Variants in TRHDE observed in about 807,000 individuals in gnomAD.
The protein encoded by TRHDE is thyrotropin releasing hormone degrading enzyme.
In TRHDE, 72 loss-of-function variants were observed where a neutral mutation model predicts 125.7. That is an observed-to-expected ratio of 0.57 (90% CI 0.47 to 0.70). TRHDE has a LOEUF of 0.70. Ranked by LOEUF, TRHDE falls within the 30% of genes least tolerant of loss-of-function variation. The pLI is 0.00. For missense variants in TRHDE, 1,110 were observed against 1,327.1 expected (o/e 0.84, Z 2.54); for synonymous variants, 509 against 509.1 (o/e 1.00, Z 0.00).
chr12:72,200,074 A>AG (rs1267276290), intron 2 of TRHDE, among the ~76,000 whole-genome samples: 2 of 152,206 alleles, frequency 1.3e-5, no homozygotes, highest in Non-Finnish European at 2.9e-5. Flanking sequence ...CAGAGTTCTA[A>AG]GATATTCCTC....
At chr12:72,606,172 A>G (rs1417932233) in intron 12 of TRHDE, among the ~76,000 whole-genome samples, 4 of 152,188 alleles carry the variant, frequency 2.6e-5, no homozygotes, top group African/African-American at 9.6e-5. Context: ...GGGCACTTGT[A>G]TGTGGGATTC....
At chr12:72,344,387 T>A (rs1356008709) in intron 2 of TRHDE, among the ~76,000 whole-genome samples, 1 of 152,172 alleles carries the variant, frequency 6.6e-6, no homozygotes, top group Non-Finnish European at 1.5e-5. Context: ...TTTTAATTTT[T>A]ACAAAAAAGG....
chr12:72,508,880 G>GCAC (rs1471662472), intron 6 of TRHDE, among the ~76,000 whole-genome samples: 1 of 151,994 alleles, frequency 6.6e-6, no homozygotes, highest in Non-Finnish European at 1.5e-5. Flanking sequence ...AATGTGTGTA[G>GCAC]CACCTCCCCC....
At chr12:72,234,270 G>A (rs941479122) in intron 2 of TRHDE, among the ~76,000 whole-genome samples, 2 of 152,036 alleles carry the variant, frequency 1.3e-5, no homozygotes, top group African/African-American at 2.4e-5. Context: ...CTTCCCAGCA[G>A]CCTCGTGTTA....
intron 2 of TRHDE, among the ~76,000 whole-genome samples, chr12:72,266,975 A>G (rs1879083476): frequency 6.6e-6 from 1 of 152,240 alleles, no homozygotes; most frequent in East Asian, 1.9e-4. Context: ...AAGCCCTTGA[A>G]GAATCTTAGC....
chr12:72,380,893 C>T (rs1012270246), intron 3 of TRHDE, among the ~76,000 whole-genome samples: 1 of 149,034 alleles, frequency 6.7e-6, no homozygotes, highest in African/African-American at 2.5e-5. Flanking sequence ...TTTCTTCCTT[C>T]CTTCCTTCCT....
chr12:72,458,590 A>T (rs891197343), intron 3 of TRHDE, among the ~76,000 whole-genome samples: 2 of 152,128 alleles, frequency 1.3e-5, no homozygotes, highest in Non-Finnish European at 2.9e-5. Flanking sequence ...CCAATGCATC[A>T]GACTTCTACA....
At chr12:72,126,857 A>C (rs1438486601) in intron 2 of TRHDE, among the ~76,000 whole-genome samples, 1 of 152,196 alleles carries the variant, frequency 6.6e-6, no homozygotes, top group Non-Finnish European at 1.5e-5. Context: ...GTGGGGCCTA[A>C]TTAAACTAAA....
chr12:72,348,179 A>G (rs928415260), intron 2 of TRHDE, among the ~76,000 whole-genome samples: 1 of 152,062 alleles, frequency 6.6e-6, no homozygotes, highest in African/African-American at 2.4e-5. Flanking sequence ...GCTACTTAAC[A>G]TATGCATTAC....
chr12:72,650,369 G>C (rs924983618), intron 15 of TRHDE, among the ~76,000 whole-genome samples: 5 of 152,080 alleles, frequency 3.3e-5, no homozygotes, highest in South Asian at 4.1e-4. Context: ...CAGGGGCTGG[G>C]TACTTTTTAC....
In TRHDE at chr12:72,511,888, T is replaced by A. The variant is rs187030182; in HGVS notation, c.1722+12253T>A. ...AAAGTCTGTATTTAATAAAAATAGG[T>A]AGCAGGTTATTGAATAGAGTAAGGA... is the stretch of plus-strand genomic sequence containing the variant. On this transcript the variant is annotated intron_variant, in intron 6 of 18. Coordinates refer to ENST00000261180, the MANE Select transcript of TRHDE (RefSeq NM_013381.3). Among the ~76,000 whole-genome samples, 11 of 152,258 alleles carry A rather than the reference T, an allele frequency of 7.2e-5. No homozygotes were observed. The East Asian group carries it at 1.9e-3, about 27-fold the overall frequency.
chr12:72,399,910 A>G (rs1256159107), intron 3 of TRHDE, among the ~76,000 whole-genome samples: 1 of 152,192 alleles, frequency 6.6e-6, no homozygotes, highest in Non-Finnish European at 1.5e-5. Context: ...ATGTAGATGA[A>G]TAAGCTATCA....
intron 2 of TRHDE, among the ~76,000 whole-genome samples, chr12:72,127,714 G>A (rs1007638938): frequency 2.0e-5 from 3 of 152,056 alleles, no homozygotes; most frequent in African/African-American, 7.2e-5. Flanking sequence ...AAAACCATTA[G>A]GTACTATGCT....
intron 6 of TRHDE, among the ~76,000 whole-genome samples, chr12:72,537,810 G>A (rs1013694036): frequency 1.3e-5 from 2 of 152,036 alleles, no homozygotes; most frequent in African/African-American, 4.8e-5. Context: ...GCCAGGAACA[G>A]TTTTTGGCAA....
At chr12:72,145,021 A>G (rs1876197722) in intron 2 of TRHDE, among the ~76,000 whole-genome samples, 1 of 152,122 alleles carries the variant, frequency 6.6e-6, no homozygotes, top group Non-Finnish European at 1.5e-5. Context: ...TACAACACAG[A>G]TTAGGGGATG....
At chr12:72,404,908 AC>A (rs1449444576) in intron 3 of TRHDE, among the ~76,000 whole-genome samples, 1 of 152,222 alleles carries the variant, frequency 6.6e-6, no homozygotes, top group Non-Finnish European at 1.5e-5. Flanking sequence ...GGATAATAAT[AC>A]TATCTGCATG....
At chr12:72,265,236 A>G (rs1879039251) in intron 2 of TRHDE, among the ~76,000 whole-genome samples, 2 of 152,002 alleles carry the variant, frequency 1.3e-5, no homozygotes, top group South Asian at 4.1e-4. Context: ...ATGATCAAGA[A>G]AAAGCCATTT....
At chr12:72,465,703 C>T (rs536821368) in intron 3 of TRHDE, among the ~76,000 whole-genome samples, 14 of 151,886 alleles carry the variant, frequency 9.2e-5, no homozygotes, top group African/African-American at 3.1e-4. Context: ...TAGATATATG[C>T]TTGATATAGG....
intron 2 of TRHDE, among the ~76,000 whole-genome samples, chr12:72,241,625 G>A (rs1878484286): frequency 6.6e-6 from 1 of 152,186 alleles, no homozygotes; most frequent in Admixed American, 6.5e-5. Flanking sequence ...GTTTGTGTGT[G>A]AGTTTTTGTA....
Sources: gnomAD v4.1 joint callset for allele counts (sites outside exome capture counted in the v4.1 genomes callset) on GRCh38, gnomAD v4.1.1 for gene constraint, MANE v1.5 for transcripts, NCBI Gene and HGNC (gene_info 2026-07-23, HGNC 2026-07-21) for gene names.